Variants in SLCO3A1 observed in about 807,000 individuals in gnomAD.
SLCO3A1 encodes solute carrier organic anion transporter family member 3A1.
A neutral mutation model predicts 63.1 loss-of-function variants in SLCO3A1; 27 were observed. The ratio of observed to expected loss-of-function variants is 0.43; its 90% CI spans 0.32 to 0.59. SLCO3A1 has a LOEUF of 0.59. Ranked by LOEUF, SLCO3A1 falls within the 20% of genes least tolerant of loss-of-function variation. The pLI is 0.09. For missense variants in SLCO3A1, 773 were observed against 945.8 expected (o/e 0.82, Z 2.40); for synonymous variants, 473 against 409.9 (o/e 1.15, Z -1.86).
chr15:91,992,424 A>G (rs2151445345), intron 2 of SLCO3A1, among the ~76,000 whole-genome samples: 1 of 152,130 alleles, frequency 6.6e-6, no homozygotes, highest in East Asian at 1.9e-4. Context: ...ACCGCCAGTG[A>G]CTCCTTTCTT....
intron 2 of SLCO3A1, among the ~76,000 whole-genome samples, chr15:92,085,169 G>T (rs1366010304): frequency 6.6e-6 from 1 of 152,174 alleles, no homozygotes; most frequent in South Asian, 2.1e-4. Context: ...GTACTTGGAC[G>T]CACATCCAGT....
At chr15:92,086,769 A>G (rs1229287819) in intron 2 of SLCO3A1, among the ~76,000 whole-genome samples, 1 of 152,126 alleles carries the variant, frequency 6.6e-6, no homozygotes, top group African/African-American at 2.4e-5. Flanking sequence ...TGAGGTCAAA[A>G]GTTCAGGACC....
intron 2 of SLCO3A1, among the ~76,000 whole-genome samples, chr15:92,005,174 T>A (rs1020405503): frequency 6.6e-6 from 1 of 152,248 alleles, no homozygotes; most frequent in Admixed American, 6.5e-5. Context: ...AGAGATTTTC[T>A]GGGCCCAGGA....
At chr15:92,126,928 A>G (rs1204172157) in intron 6 of SLCO3A1, among the ~76,000 whole-genome samples, 1 of 152,148 alleles carries the variant, frequency 6.6e-6, no homozygotes, top group Non-Finnish European at 1.5e-5. Context: ...TCGAGGCTGA[A>G]GCATGGCTGG....
At chr15:91,926,596 T>TGCGCGC (rs141222641) in intron 2 of SLCO3A1, among the ~76,000 whole-genome samples, 100 of 105,316 alleles carry the variant, frequency 9.5e-4, no homozygotes, top group Non-Finnish European at 1.7e-3. Flanking sequence ...TGTGTGTGTG[T>TGCGCGC]GCGCGCGCGC....
intron 2 of SLCO3A1, among the ~76,000 whole-genome samples, chr15:92,082,880 C>T (rs1227795120): frequency 6.6e-6 from 1 of 152,184 alleles, no homozygotes; most frequent in Non-Finnish European, 1.5e-5. Flanking sequence ...AAATCCACTT[C>T]CACCATGTAC....
At chr15:92,116,914 A>G (rs973422132) in intron 4 of SLCO3A1, among the ~76,000 whole-genome samples, 1 of 152,224 alleles carries the variant, frequency 6.6e-6, no homozygotes, top group African/African-American at 2.4e-5. Context: ...AATGTTCTTC[A>G]TGCAAATAAG....
intron 9 of SLCO3A1, 87 bp from the exon 10 acceptor site, chr15:92,162,669 G>A: frequency 6.6e-7 from 1 of 1,519,262 alleles, no homozygotes; most frequent in Non-Finnish European, 8.8e-7. Flanking sequence ...TTGCCTAGCA[G>A]TGCTATAAGA....
At chr15:91,984,133 TG>T (rs1216093365) in intron 2 of SLCO3A1, among the ~76,000 whole-genome samples, 1 of 152,208 alleles carries the variant, frequency 6.6e-6, no homozygotes, top group Admixed American at 6.5e-5. Context: ...GAGGGGTTTG[TG>T]CTTTCCTGTT....
chr15:91,951,756 T>A (rs1329511446), intron 2 of SLCO3A1, among the ~76,000 whole-genome samples: 1 of 152,118 alleles, frequency 6.6e-6, no homozygotes, highest in African/African-American at 2.4e-5. Flanking sequence ...GGTTTCACCA[T>A]GTTGGCCAGG....
intron 1 of SLCO3A1, among the ~76,000 whole-genome samples, chr15:91,874,762 G>A (rs1331232194): frequency 1.3e-5 from 2 of 152,158 alleles, no homozygotes; most frequent in African/African-American, 4.8e-5. Context: ...TTAACTTTTT[G>A]AAGGGGTTGG....
At chr15:92,149,119 A>C (rs2048270861) in intron 8 of SLCO3A1, 1 of 152,490 alleles carries the variant, frequency 6.6e-6, no homozygotes, top group Admixed American at 6.5e-5. Context: ...GCAAAAACCC[A>C]GCCTCTAGAC....
chr15:91,863,106 T>G lies in SLCO3A1; in HGVS notation c.180+9018T>G, dbSNP rs1025618802. 6.6e-6 allele frequency among the ~76,000 whole-genome samples: 1 copy of G among 152,278 alleles called. No homozygotes were observed. The highest frequency in any genetic ancestry group is 1.5e-5 in the Non-Finnish European group (1 of 68,042). ...TTCCCTTAATGAAGATGAAAATTTC[T>G]AAGCAGCATGGACCCATATGTGTTT... is the stretch of plus-strand genomic sequence containing the variant. On this transcript the variant is annotated intron_variant, in intron 1 of 9. Coordinates refer to ENST00000318445, the MANE Select transcript of SLCO3A1 (RefSeq NM_013272.4). This position sits in a 1 kb window ranked among gnomAD's most constrained non-coding sequence, Gnocchi z 4.3.
At chr15:92,098,106 G>A (rs947381936) in intron 3 of SLCO3A1, 5 of 152,388 alleles carry the variant, frequency 3.3e-5, no homozygotes, top group Admixed American at 6.5e-5. Context: ...AAGGAGCAAG[G>A]CAGGTCCACA....
chr15:91,874,526 C>A (rs1027545815), intron 1 of SLCO3A1, among the ~76,000 whole-genome samples: 3 of 152,346 alleles, frequency 2.0e-5, no homozygotes, highest in South Asian at 2.1e-4. Context: ...TTGTTTCAGT[C>A]AGCATAATGT....
chr15:92,165,967 G>A (rs2048490650), downstream of SLCO3A1: 1 of 866,574 alleles, frequency 1.2e-6, no homozygotes. Context: ...TGCCCAGGGT[G>A]GATGAAAAGT....
intron 2 of SLCO3A1, among the ~76,000 whole-genome samples, chr15:92,091,011 G>A (rs1046065502): frequency 6.6e-6 from 1 of 152,194 alleles, no homozygotes; most frequent in African/African-American, 2.4e-5. Context: ...TTTGAACCCA[G>A]GCTGTTCATA....
Position 92,029,656 on chromosome 15 carries a change from CCCCTCCTTGTATTTTTTTTTT to C in SLCO3A1, c.647-65221_647-65201del, listed in dbSNP as rs1257231578. ...AAGTACATTTTTGACTGTTTTTTTT[CCCCTCCTTGTATTTTTTTTTT>C]CCCAAACACATATATGTAGTCGCGC... On this transcript the variant is annotated intron_variant, in intron 2 of 9. Transcript: ENST00000318445. Among the ~76,000 whole-genome samples, 28 of 147,682 alleles carry C rather than the reference CCCCTCCTTGTATTTTTTTTTT, an allele frequency of 1.9e-4. No individual in the cohort carries two copies. The South Asian group carries it at 5.3e-3, about 28-fold the overall frequency.
chr15:91,972,714 G>GT (rs1900924589), intron 2 of SLCO3A1, among the ~76,000 whole-genome samples: 1 of 152,224 alleles, frequency 6.6e-6, no homozygotes, highest in Non-Finnish European at 1.5e-5. Context: ...CTCCAGGTCA[G>GT]GACAGAGGCC....
Sources: allele counts gnomAD v4.1 joint callset (sites outside exome capture counted in the v4.1 genomes callset), GRCh38; gene constraint gnomAD v4.1.1; non-coding constraint Gnocchi (gnomAD v3.1); transcripts MANE v1.5; gene names NCBI Gene and HGNC (gene_info 2026-07-23, HGNC 2026-07-21).